The following NREP variants were observed in gnomAD, a reference collection of about 807,000 sequenced individuals.
The protein encoded by NREP is neuronal regeneration-related protein.
In NREP, 5 loss-of-function variants were observed where a neutral mutation model predicts 8.6. That is an observed-to-expected ratio of 0.58 (90% CI 0.30 to 1.22). The LOEUF is 1.22. Ranked by LOEUF, NREP falls within the 50% of genes most tolerant of loss-of-function variation. The pLI is 0.07. For missense variants in NREP, 86 were observed against 82.5 expected, an observed-to-expected ratio of 1.04 and a Z score of -0.17; for synonymous variants, 27 against 28.0, an observed-to-expected ratio of 0.96 and a Z score of 0.11.
intron 2 of NREP, among the ~76,000 whole-genome samples, chr5:111,890,631 T>C (rs1754370955): frequency 6.6e-6 from 1 of 152,250 alleles, no homozygotes; most frequent in African/African-American, 2.4e-5. Flanking sequence ...ATTGTTGTAC[T>C]CTGTGCCCTC....
intron 2 of NREP, among the ~76,000 whole-genome samples, chr5:111,894,071 T>A (rs1341332737): frequency 6.6e-6 from 1 of 151,714 alleles, no homozygotes; most frequent in Non-Finnish European, 1.5e-5. Context: ...TATAAAAAAT[T>A]AGCCAGGCAT....
At chr5:111,811,444 G>A (rs181473579) in intron 2 of NREP, among the ~76,000 whole-genome samples, 12 of 152,210 alleles carry the variant, frequency 7.9e-5, no homozygotes, top group African/African-American at 1.2e-4. Flanking sequence ...CCCCTAACTC[G>A]GGTCCCACCT....
At chr5:111,885,739 T>G (rs535547151) in intron 2 of NREP, among the ~76,000 whole-genome samples, 249 of 152,290 alleles carry the variant, frequency 1.6e-3, no homozygotes, top group African/African-American at 5.7e-3. Flanking sequence ...CCCTATTTAA[T>G]AAATGGTGCT....
At chr5:111,897,258 C>T (rs1487105175) in intron 2 of NREP, among the ~76,000 whole-genome samples, 1 of 152,092 alleles carries the variant, frequency 6.6e-6, no homozygotes, top group Non-Finnish European at 1.5e-5. Flanking sequence ...ACAATTTTCC[C>T]AGGGCCCTAC....
intron 3 of NREP, chr5:111,733,421 G>A (rs1016518239): frequency 2.6e-5 from 4 of 151,976 alleles, no homozygotes; most frequent in Non-Finnish European, 5.9e-5. Context: ...AGTTCTGTGC[G>A]TTCTCCCTAT....
chr5:111,964,647 G>A (rs1756581031), intron 2 of NREP, among the ~76,000 whole-genome samples: 1 of 152,034 alleles, frequency 6.6e-6, no homozygotes, highest in South Asian at 2.1e-4. Context: ...TGGGATTACA[G>A]GAGTGAGCTA....
chr5:111,869,942 C>T (rs866808012), intron 2 of NREP, among the ~76,000 whole-genome samples: 11 of 152,138 alleles, frequency 7.2e-5, no homozygotes, highest in South Asian at 2.1e-4. Context: ...ATTGTACACA[C>T]GTTCCATTGT....
At chr5:111,767,593 T>C (rs1751115390) in intron 2 of NREP, among the ~76,000 whole-genome samples, 1 of 152,132 alleles carries the variant, frequency 6.6e-6, no homozygotes, top group Non-Finnish European at 1.5e-5. Flanking sequence ...CTTCCTCAAC[T>C]CCCTCTTCCA....
At chr5:111,807,281 G>GA (rs1282614209) in intron 2 of NREP, among the ~76,000 whole-genome samples, 1 of 151,972 alleles carries the variant, frequency 6.6e-6, no homozygotes, top group Non-Finnish European at 1.5e-5. Context: ...TTATAAAATG[G>GA]AAAAAATAAC....
At chr5:111,761,314 G>A (rs1470084014), upstream of NREP, among the ~76,000 whole-genome samples, 1 of 152,132 alleles carries the variant, frequency 6.6e-6, no homozygotes, top group African/African-American at 2.4e-5. Flanking sequence ...TTGAATGAGG[G>A]CACTTTTGCA....
At chr5:111,906,804 A>G (rs77848606) in intron 2 of NREP, among the ~76,000 whole-genome samples, 3,040 of 152,194 alleles carry the variant, frequency 0.02, 49 homozygotes, top group Non-Finnish European at 0.028. Flanking sequence ...TTTGGCATCT[A>G]AGTATCTTCT....
At chr5:111,833,835 A>T (rs1445302274) in intron 2 of NREP, among the ~76,000 whole-genome samples, 1 of 152,196 alleles carries the variant, frequency 6.6e-6, no homozygotes, top group Non-Finnish European at 1.5e-5. Flanking sequence ...ACAATACTCC[A>T]TAGGTCCCTT....
chr5:111,758,108 G>T (rs1206383180), upstream of NREP: 2 of 985,404 alleles, frequency 2.0e-6, no homozygotes, highest in Non-Finnish European at 2.4e-6. Context: ...CACGGCCTCG[G>T]GTCGGACCCT....
chr5:111,743,690 T>C (rs973513479), intron 2 of NREP, among the ~76,000 whole-genome samples: 1 of 152,170 alleles, frequency 6.6e-6, no homozygotes, highest in Non-Finnish European at 1.5e-5. Context: ...TGCTTTCTAA[T>C]ACTAGACATC....
intron 2 of NREP, among the ~76,000 whole-genome samples, chr5:111,901,508 A>G (rs1312765356): frequency 6.6e-6 from 1 of 152,088 alleles, no homozygotes; most frequent in Non-Finnish European, 1.5e-5. Context: ...TAATTGAAAA[A>G]GAGGAAGTCA....
intron 2 of NREP, among the ~76,000 whole-genome samples, chr5:111,834,522 T>C (rs1030301457): frequency 1.3e-5 from 2 of 152,200 alleles, no homozygotes; most frequent in African/African-American, 4.8e-5. Context: ...TGGAAACATA[T>C]CCAAACAAAC....
At chr5:111,865,739 T>C (rs562317208) in intron 2 of NREP, among the ~76,000 whole-genome samples, 75 of 152,142 alleles carry the variant, frequency 4.9e-4, no homozygotes, top group Non-Finnish European at 6.0e-4. Context: ...TGAATTCTAA[T>C]TGCATGGAAA....
rs1161947836 is a variant in NREP at position 111,730,851 on chromosome 5, A to G, written c.*70T>C. 5.2e-6 allele frequency: 8 copies of G among 1,529,786 alleles called. No individual in the cohort carries two copies. Among genetic ancestry groups the G allele is most frequent in the Non-Finnish European group, 7.1e-6 (8 of 1,122,924 alleles). The allele number at this position is 1,529,786 out of a possible 1,614,324, so 94.8% of individuals were successfully genotyped here. A position where few individuals can be genotyped will look rare whatever the true frequency, so the allele number is the denominator to read the frequency against. On this transcript the variant is annotated 3_prime_UTR_variant, in exon 4 of 4. Transcript: ENST00000257435. ...TACTTGATGATTTACACAGAAAAAA[A>G]TCCCATATATGATACCATGACCTCA...
intron 2 of NREP, among the ~76,000 whole-genome samples, chr5:111,832,604 T>C (rs977013381): frequency 6.6e-6 from 1 of 152,170 alleles, no homozygotes; most frequent in Admixed American, 6.5e-5. Context: ...GCTCTCCCTA[T>C]AACCATTGCA....
Sources: allele counts gnomAD v4.1 joint callset (sites outside exome capture counted in the v4.1 genomes callset), GRCh38; gene constraint gnomAD v4.1.1; transcripts MANE v1.5; gene names NCBI Gene and HGNC (gene_info 2026-07-23, HGNC 2026-07-21).